NCKAP1L: variants seen among roughly 807,000 people sequenced by gnomAD.
The protein encoded by NCKAP1L is nck-associated protein 1-like.
In NCKAP1L, 53 loss-of-function variants were observed where a neutral mutation model predicts 139.2. That is an observed-to-expected ratio of 0.38 (90% CI 0.31 to 0.48). NCKAP1L has a LOEUF of 0.48. Ranked by LOEUF, NCKAP1L falls within the 20% of genes least tolerant of loss-of-function variation. NCKAP1L has a pLI of 0.98. For missense variants in NCKAP1L, 1,151 were observed against 1,381.9 expected (o/e 0.83, Z 2.65); for synonymous variants, 468 against 499.7 (o/e 0.94, Z 0.85).
intron 9 of NCKAP1L, among the ~76,000 whole-genome samples, chr12:54,514,535 C>G (rs1277612164): frequency 6.6e-6 from 1 of 152,102 alleles, no homozygotes; most frequent in African/African-American, 2.4e-5. Context: ...GTTGGCCAGG[C>G]TGGTCGCAAA....
intron 26 of NCKAP1L, among the ~76,000 whole-genome samples, chr12:54,534,578 G>A (rs564768948): frequency 1.3e-5 from 2 of 152,196 alleles, no homozygotes; most frequent in South Asian, 4.2e-4. Flanking sequence ...GAGATCTAAG[G>A]GATGGACGTA....
At position 54,542,629 on chromosome 12, in the gene NCKAP1L, T is replaced by C; in HGVS notation, c.3328T>C (p.Tyr1110His). 1 of 1,614,166 alleles carries C rather than the reference T, an allele frequency of 6.2e-7. No individual in the cohort carries two copies. The highest frequency in any genetic ancestry group is 8.5e-7 in the Non-Finnish European group (1 of 1,180,022). Residue 1110 changes from tyrosine to histidine, a missense_variant, in exon 31 of 31, where the codon TAT becomes CAT. Transcript: ENST00000293373. The part of the protein sequence containing the change: ...TLDMLESCFP[Y>H]VLLRNAYREV... ...GGACATGCTGGAGTCCTGTTTCCCT[T>C]ATGTCCTGCTTCGAAATGCCTATCG...
Position 54,545,686 on chromosome 12 carries a change from T to C in NCKAP1L, c.*3001T>C, listed in dbSNP as rs1957191484. On this transcript the variant is annotated 3_prime_UTR_variant, in exon 31 of 31. Transcript: ENST00000293373. Reference sequence around the variant, plus strand: ...ACTTAGGCCCAAAGGAACTAAAGAATGGATATCAGAAATCTCACCCCAATT... The same window carrying C: ...ACTTAGGCCCAAAGGAACTAAAGAACGGATATCAGAAATCTCACCCCAATT... 1 of 152,260 alleles carries C rather than the reference T, an allele frequency of 6.6e-6. No homozygotes were observed. The allele number at this position is 152,260 out of a possible 1,614,324, so 9.4% of individuals were successfully genotyped here. A position where few individuals can be genotyped will look rare whatever the true frequency, so the allele number is the denominator to read the frequency against.
Position 54,519,255 on chromosome 12 carries a change from C to T in NCKAP1L, c.1548C>T (p.Asn516=). ...HENPDLAKVM[N]LIVFHSRMLD... is the part of the protein sequence containing the mutation. Reference sequence around the variant, plus strand: ...ACCCTGACTTAGCCAAGGTGATGAACCTCATTGTCTTCCACTCCCGAATGC... The same window carrying T: ...ACCCTGACTTAGCCAAGGTGATGAATCTCATTGTCTTCCACTCCCGAATGC... The change falls in exon 16 of 31, where the codon AAC becomes AAT. Residue 516 remains asparagine, a synonymous_variant. Coordinates refer to ENST00000293373, the MANE Select transcript of NCKAP1L (RefSeq NM_005337.5). 6.3e-7 allele frequency: 1 copy of T among 1,591,382 alleles called. No homozygotes were observed. Among genetic ancestry groups the T allele is most frequent in the East Asian group, 2.2e-5 (1 of 44,806 alleles).
At chr12:54,515,330 A>G (rs1956921029) in intron 9 of NCKAP1L, among the ~76,000 whole-genome samples, 1 of 152,262 alleles carries the variant, frequency 6.6e-6, no homozygotes, top group Non-Finnish European at 1.5e-5. Context: ...ATGTGGTGGC[A>G]ATAGTGATAC....
Position 54,516,160 on chromosome 12 carries a change from T to C in NCKAP1L, c.942-79T>C, listed in dbSNP as rs1956929554. 1.8e-5 allele frequency: 26 copies of C among 1,477,546 alleles called. No homozygotes were observed. In the South Asian group the frequency reaches 2.4e-4, roughly 14 times the overall value. 91.5% of individuals were successfully genotyped at this position (1,477,546 alleles called of 1,614,324 possible). Reference sequence around the variant, plus strand: ...GCTCCCACCAGGGTATAGGCTGGACTCTCTGAGGACTGGGAAGGTGAGGCA... The same window carrying C: ...GCTCCCACCAGGGTATAGGCTGGACCCTCTGAGGACTGGGAAGGTGAGGCA... On this transcript the variant is annotated intron_variant, in intron 9 of 30. Coordinates refer to ENST00000293373, the MANE Select transcript of NCKAP1L (RefSeq NM_005337.5).
chr12:54,532,469 T>G (rs768004994), intron 26 of NCKAP1L, among the ~76,000 whole-genome samples: 5 of 151,828 alleles, frequency 3.3e-5, no homozygotes, highest in Non-Finnish European at 7.4e-5. Context: ...GGAGACACTA[T>G]GAGGGTTGGG....
At chr12:54,539,516 G>A (rs934989285) in intron 30 of NCKAP1L, among the ~76,000 whole-genome samples, 2 of 152,150 alleles carry the variant, frequency 1.3e-5, no homozygotes, top group Non-Finnish European at 2.9e-5. Flanking sequence ...CCCAAGCTGT[G>A]GGCTTCTCTC....
intron 3 of NCKAP1L, among the ~76,000 whole-genome samples, chr12:54,506,947 G>C (rs1303767356): frequency 6.6e-6 from 1 of 150,744 alleles, no homozygotes; most frequent in Non-Finnish European, 1.5e-5. Flanking sequence ...GTATACCATG[G>C]GCTATTATGC....
At chr12:54,540,849 C>T (rs188913559) in intron 30 of NCKAP1L, among the ~76,000 whole-genome samples, 7 of 152,256 alleles carry the variant, frequency 4.6e-5, no homozygotes, top group Admixed American at 6.5e-5. Flanking sequence ...AACAGAGTGA[C>T]GGGAACAGAG....
At position 54,499,338 on chromosome 12, in the gene NCKAP1L, A is replaced by G; in HGVS notation, c.103-17A>G. On this transcript the variant is annotated splice_polypyrimidine_tract_variant and intron_variant, in intron 1 of 30. Coordinates refer to ENST00000293373, the MANE Select transcript of NCKAP1L (RefSeq NM_005337.5). ...AGGAGGAGAAAGGGTTGAAATATAT[A>G]TGGTTTCTCTCTGCAGACTTGTTCA... 2 of 1,345,058 alleles carry G rather than the reference A, an allele frequency of 1.5e-6. No individual in the cohort carries two copies. Among genetic ancestry groups the G allele is most frequent in the Non-Finnish European group, 1.1e-6 (1 of 935,264 alleles). 83.3% of individuals were successfully genotyped at this position (1,345,058 alleles called of 1,614,324 possible).
Position 54,521,185 on chromosome 12 carries a change from A to C in NCKAP1L, c.1825A>C (p.Thr609Pro). The change falls in exon 18 of 31, where the codon ACC becomes CCC. Residue 609 changes from threonine (T) to proline (P), a missense_variant. By Grantham distance (38) the Thr-to-Pro change is conservative. Transcript: ENST00000293373. ...CTTCCTGGAAGAGTTGGCCAAGCAG[A>C]CCAGCAATTGCGTCCTGGAGATCTG... ...NSFLEELAKQ[T>P]SNCVLEICAE... 1.2e-6 allele frequency: 2 copies of C among 1,614,138 alleles called. No individual in the cohort carries two copies. Among genetic ancestry groups the C allele is most frequent in the Non-Finnish European group, 1.7e-6 (2 of 1,180,014 alleles).
chr12:54,510,202 A>G, intron 7 of NCKAP1L: 1 of 604,102 alleles, frequency 1.7e-6, no homozygotes, highest in Non-Finnish European at 2.9e-6. Flanking sequence ...AAAGTGATCT[A>G]TAAGCAGTTA....
intron 13 of NCKAP1L, 68 bp downstream of exon 13, chr12:54,518,006 C>A: frequency 6.4e-7 from 1 of 1,573,348 alleles, no homozygotes; most frequent in Non-Finnish European, 8.7e-7. Context: ...CTATTGAAAC[C>A]ACTCTGGCTG....
chr12:54,523,496 C>T lies in NCKAP1L; in HGVS notation c.1981C>T (p.Pro661Ser), dbSNP rs531211911. 1 of 1,614,004 alleles carries T rather than the reference C, an allele frequency of 6.2e-7. No individual in the cohort carries two copies. The highest frequency in any genetic ancestry group is 2.2e-5 in the East Asian group (1 of 44,878). ...AAAAGGAGAGCCCGAGAGGGACAAG[C>T]CAGGAGCTGAGAGTCACCGGAAGAA... ...PRKGEPERDK[P>S]GAESHRKNRS... The change falls in exon 19 of 31, where the codon CCA (proline) becomes TCA (serine). Residue 661 changes from proline to serine, a missense_variant. By Grantham distance (74) the Pro-to-Ser change is moderately conservative. Coordinates refer to ENST00000293373, the MANE Select transcript of NCKAP1L (RefSeq NM_005337.5).
intron 3 of NCKAP1L, among the ~76,000 whole-genome samples, chr12:54,506,803 A>ATATATATATATATC (rs1956844533): frequency 7.6e-6 from 1 of 130,888 alleles, no homozygotes; most frequent in Non-Finnish European, 1.6e-5. Context: ...AAAAATATAT[A>ATATATATATATATC]TATATATATA....
At position 54,528,298 on chromosome 12, in the gene NCKAP1L, C is replaced by A; in HGVS notation, c.2427C>A (p.Ser809=). The change falls in exon 22 of 31, where the codon TCC becomes TCA. Residue 809 remains serine (S), a synonymous_variant. Transcript: ENST00000293373. The part of the protein sequence containing the change: ...RQASSGTIIL[S]PAMQAFVSLP... ...CAAGCAGTGGGACCATCATCCTCTC[C>A]CCAGCCATGCAGGCCTTCGTCAGCC... 6.2e-7 allele frequency: 1 copy of A among 1,613,974 alleles called. No homozygotes were observed. The highest frequency in any genetic ancestry group is 8.5e-7 in the Non-Finnish European group (1 of 1,179,950).
chr12:54,530,918 T>C (rs1288876255), intron 22 of NCKAP1L, among the ~76,000 whole-genome samples: 2 of 152,212 alleles, frequency 1.3e-5, no homozygotes, highest in Non-Finnish European at 2.9e-5. Context: ...TGACTTAAGG[T>C]CTTACGTCTA....
chr12:54,505,706 A>G (rs1258267394), intron 3 of NCKAP1L, among the ~76,000 whole-genome samples: 1 of 146,306 alleles, frequency 6.8e-6, no homozygotes, highest in Non-Finnish European at 1.5e-5. Flanking sequence ...CTTGTTGCCC[A>G]GGCTGGAGTG....
Sources: allele counts gnomAD v4.1 joint callset (sites outside exome capture counted in the v4.1 genomes callset), GRCh38; gene constraint gnomAD v4.1.1; transcripts MANE v1.5; gene names NCBI Gene and HGNC (gene_info 2026-07-23, HGNC 2026-07-21).